Variants in BAHCC1 observed in about 807,000 individuals in gnomAD.
BAHCC1 encodes the protein BAH domain and coiled-coil containing 1, also known as BAH and coiled-coil domain-containing protein 1.
BAHCC1 carries 43 observed loss-of-function variants against 88.2 expected under a neutral mutation model. The observed-to-expected ratio is 0.49, with a 90% confidence interval of 0.38 to 0.63. The LOEUF is 0.63. Ranked by LOEUF, BAHCC1 falls within the 20% of genes least tolerant of loss-of-function variation. BAHCC1 has a pLI of 0.00. For missense variants in BAHCC1, 3,023 were observed against 1,654.8 expected (o/e 1.83, Z -14.34); for synonymous variants, 1,510 against 745.5 (o/e 2.03, Z -16.71).
intron 3 of BAHCC1, among the ~76,000 whole-genome samples, chr17:81,432,030 C>T (rs1387069045): frequency 6.6e-6 from 1 of 152,184 alleles, no homozygotes; most frequent in Non-Finnish European, 1.5e-5. Context: ...TCGTCACAGA[C>T]CCAGAGCTGT....
chr17:81,406,322 C>G (rs1222516244), intron 2 of BAHCC1, among the ~76,000 whole-genome samples: 1 of 152,200 alleles, frequency 6.6e-6, no homozygotes, highest in African/African-American at 2.4e-5. Flanking sequence ...AGAGCACGCC[C>G]CTGTCTGTTG....
chr17:81,458,902 GGAGGAGGAC>G lies in BAHCC1; in HGVS notation c.5547_5555del (p.Asp1849_Glu1851del), dbSNP rs782057700. ...ACGACAACAGCAGCTTCTCGGAAGA[GGAGGAGGAC>G]GAGGAGGAAGAGGAGGAGGACAGCG... On this transcript the variant is annotated inframe_deletion, in exon 20 of 28. Coordinates refer to ENST00000675386, the MANE Select transcript of BAHCC1 (RefSeq NM_001377448.1). The G allele has an allele frequency of 3.1e-4, 239 of 773,502 alleles. 4 individuals are homozygous for G. The highest frequency in any genetic ancestry group is 2.8e-3 in the South Asian group (211 of 74,194). The allele number at this position is 773,502 out of a possible 1,614,324, so 47.9% of individuals were successfully genotyped here.
chr17:81,429,898 G>A (rs2064241032), intron 3 of BAHCC1, among the ~76,000 whole-genome samples: 1 of 152,204 alleles, frequency 6.6e-6, no homozygotes, highest in Admixed American at 6.5e-5. Context: ...CCCTCGAGCG[G>A]GCCAGGGCTT....
chr17:81,451,536 CT>C, intron 11 of BAHCC1, 131 bp from the exon 12 acceptor site: 2 of 608,404 alleles, frequency 3.3e-6, no homozygotes, highest in South Asian at 3.8e-5. Context: ...CCACCTCACT[CT>C]TCCCGGTCTC....
intron 22 of BAHCC1, 50 bp from the exon 23 acceptor site, chr17:81,459,446 C>T (rs1555658515): frequency 1.3e-6 from 1 of 774,052 alleles, no homozygotes; most frequent in Admixed American, 1.7e-5. Context: ...TCTCAGGCAG[C>T]CCTGGGCCAG....
Position 81,428,985 on chromosome 17 carries a change from C to T in BAHCC1, c.358+2006C>T, listed in dbSNP as rs910645430. On this transcript the variant is annotated intron_variant, in intron 3 of 27. Coordinates refer to ENST00000675386, the MANE Select transcript of BAHCC1 (RefSeq NM_001377448.1). Reference sequence around the variant, plus strand: ...GTCCCAGGGAAGTAGCTCCTCCAGGCGGGGGTGGCCTGAGCCGGAGGAGAG... The same window carrying T: ...GTCCCAGGGAAGTAGCTCCTCCAGGTGGGGGTGGCCTGAGCCGGAGGAGAG... Among the ~76,000 whole-genome samples the T allele has an allele frequency of 3.9e-5, 6 of 152,302 alleles. No homozygotes were observed. The East Asian group carries it at 7.7e-4, about 20-fold the overall frequency.
chr17:81,415,427 G>A (rs1439712262), intron 2 of BAHCC1: 10 of 402,982 alleles, frequency 2.5e-5, no homozygotes, highest in Admixed American at 5.5e-5. Flanking sequence ...GGGGGCATAC[G>A]TCCCCCTGGA....
rs1440823006 is a variant in BAHCC1 at position 81,457,522 on chromosome 17, A to C, written c.4971A>C (p.Ser1657=). The change falls in exon 17 of 28, where the codon TCA becomes TCC. Residue 1657 remains serine, a synonymous_variant. Coordinates refer to ENST00000675386, the MANE Select transcript of BAHCC1 (RefSeq NM_001377448.1). ...CCAGTGTGGCCGTGCTGGGGCCCTC[A>C]CCCTCCTCTGTGGTCAAGATGGAGG... ...TGASVAVLGP[S]PSSVVKMEAN... 1 of 753,388 alleles carries C rather than the reference A, an allele frequency of 1.3e-6. No individual in the cohort carries two copies. Among genetic ancestry groups the C allele is most frequent in the South Asian group, 1.4e-5 (1 of 70,890 alleles). The allele number at this position is 753,388 out of a possible 1,614,324, so 46.7% of individuals were successfully genotyped here. A position where few individuals can be genotyped will look rare whatever the true frequency, so the allele number is the denominator to read the frequency against.
rs548283336 is a variant in BAHCC1 at position 81,442,161 on chromosome 17, G to A, written c.812G>A (p.Gly271Glu). ...HCREGGPAPR[G>E]ACEGRPKHLT... ...AGGGAGGGCGGCCCCGCACCCCGAGGGGCCTGCGAGGGCCGCCCCAAGCAC... is the reference window on the plus strand; with the variant it reads ...AGGGAGGGCGGCCCCGCACCCCGAGAGGCCTGCGAGGGCCGCCCCAAGCAC... Residue 271 changes from glycine (G) to glutamate (E), a missense_variant, in exon 5 of 28, where the codon GGG (glycine) becomes GAG (glutamate). Gly to Glu is a moderately conservative substitution (Grantham distance 98, BLOSUM62 -2). Transcript: ENST00000675386. 139 of 650,444 alleles carry A rather than the reference G, an allele frequency of 2.1e-4. No individual in the cohort carries two copies. The African/African-American group carries it at 2.4e-3, about 11-fold the overall frequency. The allele number at this position is 650,444 out of a possible 1,614,324, so 40.3% of individuals were successfully genotyped here.
At position 81,463,964 on chromosome 17, in the gene BAHCC1, C is replaced by T. The variant is rs1272126055; in HGVS notation, c.*147C>T. On this transcript the variant is annotated 3_prime_UTR_variant, in exon 28 of 28. Coordinates refer to ENST00000675386, the MANE Select transcript of BAHCC1 (RefSeq NM_001377448.1). ...AAAAGCCCACAGGGCAAGACCCAGGCTTTCTTACGGTTTTCCCTGGAAAGA... is the reference window on the plus strand; with the variant it reads ...AAAAGCCCACAGGGCAAGACCCAGGTTTTCTTACGGTTTTCCCTGGAAAGA... The T allele has an allele frequency of 3.2e-6, 2 of 618,858 alleles. No individual in the cohort carries two copies. Among genetic ancestry groups the T allele is most frequent in the South Asian group, 3.7e-5 (2 of 53,434 alleles). 38.3% of individuals were successfully genotyped at this position (618,858 alleles called of 1,614,324 possible).
chr17:81,462,705 G>T, intron 26 of BAHCC1, 35 bp from the exon 27 acceptor site: 1 of 722,622 alleles, frequency 1.4e-6, no homozygotes, highest in South Asian at 1.5e-5. Context: ...CAGCCCCCCG[G>T]CCTCTCAGAG....
At chr17:81,404,424 C>T (rs67316991) in intron 2 of BAHCC1, among the ~76,000 whole-genome samples, 40,099 of 152,062 alleles carry the variant, frequency 0.26, 6,502 homozygotes, top group Middle Eastern at 0.37. Flanking sequence ...CACTTCTTGG[C>T]GATTAGTGGT....
rs781923788 is a variant in BAHCC1, at chr17:81,461,231, G to A, written c.6568G>A (p.Glu2190Lys). 19 of 714,812 alleles carry A rather than the reference G, an allele frequency of 2.7e-5. No homozygotes were observed. The highest frequency in any genetic ancestry group is 7.4e-5 in the South Asian group (5 of 67,536). The allele number at this position is 714,812 out of a possible 1,614,324, so 44.3% of individuals were successfully genotyped here. Residue 2190 changes from glutamate to lysine, a missense_variant, in exon 26 of 28, where the codon GAG (glutamate) becomes AAG (lysine). By Grantham distance (56) the Glu-to-Lys change is moderately conservative. Transcript: ENST00000675386. The stretch of plus-strand genomic sequence containing the variant: ...CAAGCTGCTGCGGGCTAAGAAGGCC[G>A]AGAGGGTGGAGGCCGAGAAGGGTGG... ...AHKLLRAKKA[E>K]RVEAEKGGRR... is the part of the protein sequence containing the mutation.
At position 81,447,596 on chromosome 17, in the gene BAHCC1, G is replaced by A; in HGVS notation, c.3724G>A (p.Glu1242Lys). The A allele has an allele frequency of 1.3e-6, 1 of 751,926 alleles. No individual in the cohort carries two copies. The highest frequency in any genetic ancestry group is 2.5e-6 in the Non-Finnish European group (1 of 404,700). The allele number at this position is 751,926 out of a possible 1,614,324, so 46.6% of individuals were successfully genotyped here. The change falls in exon 11 of 28, where the codon GAG (glutamate) becomes AAG (lysine). Residue 1242 changes from glutamate to lysine, a missense_variant. Glu to Lys is a moderately conservative substitution (Grantham distance 56). Coordinates refer to ENST00000675386, the MANE Select transcript of BAHCC1 (RefSeq NM_001377448.1). ...GCAGCAGAGCATGGAGGACTCAGAG[G>A]AGGACTGTGGCGGAGCTCCCGACAA... ...LGQQSMEDSE[E>K]DCGGAPDNSH...
intron 3 of BAHCC1, among the ~76,000 whole-genome samples, chr17:81,431,397 A>G (rs1033018064): frequency 1.2e-4 from 18 of 152,170 alleles, no homozygotes; most frequent in Non-Finnish European, 2.4e-4. Context: ...GTCACTGTTG[A>G]GTGCAGGGGT....
chr17:81,437,062 C>T (rs1383876143), intron 3 of BAHCC1, among the ~76,000 whole-genome samples: 9 of 152,350 alleles, frequency 5.9e-5, no homozygotes, highest in African/African-American at 1.9e-4. Flanking sequence ...CTGGGGGACC[C>T]ACTGGGATTG....
chr17:81,409,813 AG>A (rs1380235807), intron 2 of BAHCC1, among the ~76,000 whole-genome samples: 2 of 152,144 alleles, frequency 1.3e-5, no homozygotes, highest in African/African-American at 2.4e-5. Flanking sequence ...TGTGCCAGCG[AG>A]GGGGAGACCA....
At chr17:81,416,366 ATGCGTGTGTCC>A (rs2064025157) in intron 2 of BAHCC1, among the ~76,000 whole-genome samples, 5 of 69,024 alleles carry the variant, frequency 7.2e-5, no homozygotes, top group East Asian at 5.4e-4. Flanking sequence ...GGGTGGGTCT[ATGCGTGTGTCC>A]ATGAGGATGG....
intron 2 of BAHCC1, among the ~76,000 whole-genome samples, chr17:81,425,230 A>G (rs2064167669): frequency 1.7e-5 from 1 of 58,830 alleles, no homozygotes; most frequent in Non-Finnish European, 3.0e-5. Context: ...GTTGGTGGTG[A>G]TGTGGTTGGG....
Sources: gnomAD v4.1 joint callset for allele counts (sites outside exome capture counted in the v4.1 genomes callset) on GRCh38, gnomAD v4.1.1 for gene constraint, MANE v1.5 for transcripts, NCBI Gene and HGNC (gene_info 2026-07-23, HGNC 2026-07-21) for gene names.